FHOD3: variants seen among roughly 807,000 people sequenced by gnomAD.
The protein encoded by FHOD3 is formin homology 2 domain containing 3, also known as FH1/FH2 domain-containing protein 3.
FHOD3 carries 90 observed loss-of-function variants against 173.0 expected under a neutral mutation model. That is an observed-to-expected ratio of 0.52 (90% CI 0.44 to 0.62). FHOD3 has a LOEUF of 0.62. Ranked by LOEUF, FHOD3 falls within the 20% of genes least tolerant of loss-of-function variation. The pLI is 0.00. For synonymous variants in FHOD3, 828 were observed against 823.0 expected (o/e 1.01, Z -0.10); for missense variants, 1,945 against 2,034.7 (o/e 0.96, Z 0.85).
At chr18:36,331,441 C>G (rs1043007978) in intron 1 of FHOD3, among the ~76,000 whole-genome samples, 8 of 152,190 alleles carry the variant, frequency 5.3e-5, no homozygotes, top group African/African-American at 1.9e-4. Flanking sequence ...AACTGTAGGG[C>G]TTCTGTGGGA....
chr18:36,655,774 A>AC (rs1568559106), intron 13 of FHOD3, among the ~76,000 whole-genome samples: 25 of 82,156 alleles, frequency 3.0e-4, no homozygotes, highest in South Asian at 5.5e-4. Flanking sequence ...CACACACACA[A>AC]AAATGCTGAA....
At chr18:36,345,011 GAC>G (rs1031154826) in intron 1 of FHOD3, among the ~76,000 whole-genome samples, 1 of 152,158 alleles carries the variant, frequency 6.6e-6, no homozygotes, top group African/African-American at 2.4e-5. Flanking sequence ...ATGCAATATT[GAC>G]AGAATGAAAA....
intron 5 of FHOD3, among the ~76,000 whole-genome samples, chr18:36,559,591 C>T (rs962904623): frequency 1.3e-4 from 20 of 152,180 alleles, no homozygotes; most frequent in African/African-American, 4.8e-4. Flanking sequence ...GCCATTTAAA[C>T]AGCTGCACAG....
At chr18:36,414,450 A>G (rs1310118177) in intron 3 of FHOD3, among the ~76,000 whole-genome samples, 1 of 152,290 alleles carries the variant, frequency 6.6e-6, no homozygotes, top group East Asian at 1.9e-4. Flanking sequence ...CCATTATTAC[A>G]TTTAGCCGAG....
chr18:36,740,606 G>A, intron 20 of FHOD3, 50 bp from the exon 21 acceptor site: 2 of 1,463,302 alleles, frequency 1.4e-6, no homozygotes, highest in Non-Finnish European at 1.9e-6. Flanking sequence ...AAGGGACAGG[G>A]GAGGGTCCAT....
At chr18:36,723,858 A>T (rs1247009238) in intron 19 of FHOD3, among the ~76,000 whole-genome samples, 1 of 152,220 alleles carries the variant, frequency 6.6e-6, no homozygotes, top group Non-Finnish European at 1.5e-5. Flanking sequence ...CATTTCAGGA[A>T]GCCTTAAGCT....
intron 3 of FHOD3, among the ~76,000 whole-genome samples, chr18:36,416,313 G>A (rs562688867): frequency 2.6e-4 from 39 of 152,316 alleles, no homozygotes; most frequent in African/African-American, 8.2e-4. Flanking sequence ...GATTACAGGC[G>A]TGAGCCACCA....
intron 1 of FHOD3, among the ~76,000 whole-genome samples, chr18:36,342,846 T>G (rs1438337210): frequency 2.0e-5 from 3 of 152,158 alleles, no homozygotes; most frequent in African/African-American, 7.2e-5. Context: ...TAGCACAATT[T>G]TAAAATGGGC....
intron 1 of FHOD3, among the ~76,000 whole-genome samples, chr18:36,329,276 G>T (rs1232689401): frequency 6.6e-6 from 1 of 152,170 alleles, no homozygotes; most frequent in East Asian, 1.9e-4. Context: ...TCTGTCTCGT[G>T]TGATTTGTAC....
chr18:36,690,010 A>G (rs868844219), intron 16 of FHOD3, among the ~76,000 whole-genome samples: 59 of 152,274 alleles, frequency 3.9e-4, no homozygotes, highest in African/African-American at 1.3e-3. Flanking sequence ...AGGTTAATCT[A>G]AAGTCAAGCA....
intron 17 of FHOD3, among the ~76,000 whole-genome samples, chr18:36,695,026 A>G (rs1251600038): frequency 6.6e-6 from 1 of 150,430 alleles, no homozygotes; most frequent in African/African-American, 2.5e-5. Context: ...GCATTTGGGG[A>G]AGATATGTCA....
rs904044075 is a variant in FHOD3, at chr18:36,742,671, AGT to A, written c.3760-65_3760-64del. ...CCGTGTGTTATTCCCTTATACAAAA[AGT>A]CAGAAGAACAAAGTAAACCCAAATT... On this transcript the variant is annotated intron_variant, in intron 21 of 28. Coordinates refer to ENST00000590592, the MANE Select transcript of FHOD3 (RefSeq NM_001281740.3). 1.2e-4 allele frequency: 182 copies of A among 1,540,146 alleles called. 2 individuals carry two copies. In the South Asian group the frequency reaches 1.8e-3, roughly 15 times the overall value.
At chr18:36,511,476 G>A (rs956536621) in intron 4 of FHOD3, among the ~76,000 whole-genome samples, 1 of 151,978 alleles carries the variant, frequency 6.6e-6, no homozygotes, top group Non-Finnish European at 1.5e-5. Context: ...GATTTCCTGG[G>A]GAATTTAATA....
chr18:36,760,935 T>C (rs2042850989), intron 27 of FHOD3, among the ~76,000 whole-genome samples, 153 bp downstream of exon 27: 1 of 152,210 alleles, frequency 6.6e-6, no homozygotes, highest in Non-Finnish European at 1.5e-5. Context: ...AGCGTCTTCC[T>C]GACCCACCTT....
chr18:36,720,517 A>T (rs2040705083), intron 19 of FHOD3, among the ~76,000 whole-genome samples: 1 of 151,946 alleles, frequency 6.6e-6, no homozygotes, highest in Non-Finnish European at 1.5e-5. Context: ...GGATTACAGG[A>T]GTGAGCCACT....
intron 17 of FHOD3, among the ~76,000 whole-genome samples, chr18:36,704,868 A>G (rs574903136): frequency 6.6e-6 from 1 of 152,322 alleles, no homozygotes; most frequent in South Asian, 2.1e-4. Context: ...GATGTCTGGG[A>G]TGGAAAAACC....
intron 5 of FHOD3, among the ~76,000 whole-genome samples, chr18:36,531,472 G>A (rs908754357): frequency 1.3e-5 from 2 of 152,066 alleles, no homozygotes; most frequent in African/African-American, 4.8e-5. Context: ...ACCCTTCCCC[G>A]ATCCTGAGCT....
At chr18:36,746,924 T>G in intron 23 of FHOD3, 21 bp from the exon 24 acceptor site, 1 of 1,576,464 alleles carries the variant, frequency 6.3e-7, no homozygotes, top group Non-Finnish European at 8.6e-7. Context: ...GTGTTTGCAG[T>G]GTTCTCGCTC....
chr18:36,660,431 C>T (rs990091420), intron 14 of FHOD3, among the ~76,000 whole-genome samples: 1 of 152,144 alleles, frequency 6.6e-6, no homozygotes, highest in Non-Finnish European at 1.5e-5. Flanking sequence ...ATAGAACAAG[C>T]CACTGGGGTG....
Sources: gnomAD v4.1 joint callset for allele counts (sites outside exome capture counted in the v4.1 genomes callset) on GRCh38, gnomAD v4.1.1 for gene constraint, MANE v1.5 for transcripts, NCBI Gene and HGNC (gene_info 2026-07-23, HGNC 2026-07-21) for gene names.